Variants in LRMDA observed in about 807,000 individuals in gnomAD.
The protein encoded by LRMDA is leucine rich melanocyte differentiation associated.
In LRMDA, 18 loss-of-function variants were observed where a neutral mutation model predicts 29.8. The ratio of observed to expected loss-of-function variants is 0.60; its 90% CI spans 0.42 to 0.90. LRMDA has a LOEUF of 0.90. LRMDA is among the 40% of genes least tolerant of loss of function. The pLI is 0.00. For missense variants in LRMDA, 273 were observed against 273.9 expected (o/e 1.00, Z 0.02); for synonymous variants, 125 against 109.4 (o/e 1.14, Z -0.89).
chr10:76,288,041 A>C (rs1840293768), intron 5 of LRMDA, among the ~76,000 whole-genome samples: 1 of 152,218 alleles, frequency 6.6e-6, no homozygotes, highest in Non-Finnish European at 1.5e-5. Context: ...TAGGTTAACA[A>C]TATAATGGCC....
chr10:75,673,066 G>A (rs946859364), intron 2 of LRMDA, among the ~76,000 whole-genome samples: 8 of 151,334 alleles, frequency 5.3e-5, no homozygotes, highest in East Asian at 1.9e-4. Context: ...TTCATCCTCC[G>A]CTTCCTGCTG....
intron 6 of LRMDA, among the ~76,000 whole-genome samples, chr10:76,337,373 G>A (rs1211437333): frequency 6.6e-6 from 1 of 152,234 alleles, no homozygotes; most frequent in African/African-American, 2.4e-5. Context: ...GGGCATGAGA[G>A]AGTATGTGTT....
At chr10:76,099,306 G>A (rs1197973128) in intron 5 of LRMDA, among the ~76,000 whole-genome samples, 1 of 152,222 alleles carries the variant, frequency 6.6e-6, no homozygotes. Context: ...CAGCCTGGAG[G>A]TTAGAAGCAA....
At chr10:75,796,823 C>T (rs1244043314) in intron 2 of LRMDA, among the ~76,000 whole-genome samples, 2 of 152,190 alleles carry the variant, frequency 1.3e-5, no homozygotes, top group Non-Finnish European at 2.9e-5. Flanking sequence ...CCTTGGCCTC[C>T]CAAAGTGCTG....
At chr10:76,264,450 AAAAAAAAC>A in intron 5 of LRMDA, among the ~76,000 whole-genome samples, 1 of 130,234 alleles carries the variant, frequency 7.7e-6, no homozygotes, top group African/African-American at 2.9e-5. Context: ...AAAAAAAAAA[AAAAAAAAC>A]ACGGAAGCAG....
At chr10:76,398,470 A>T (rs1841813109) in intron 6 of LRMDA, among the ~76,000 whole-genome samples, 1 of 152,220 alleles carries the variant, frequency 6.6e-6, no homozygotes, top group Admixed American at 6.5e-5. Flanking sequence ...AAACTTGCCT[A>T]GTCAACGACC....
chr10:75,621,206 A>ACC (rs1473308684), intron 2 of LRMDA, among the ~76,000 whole-genome samples: 1 of 115,992 alleles, frequency 8.6e-6, no homozygotes, highest in Admixed American at 9.5e-5. Context: ...CATTACACAC[A>ACC]CACACACACA....
intron 2 of LRMDA, among the ~76,000 whole-genome samples, chr10:75,570,317 C>T (rs938238519): frequency 6.6e-6 from 1 of 152,142 alleles, no homozygotes; most frequent in Non-Finnish European, 1.5e-5. Flanking sequence ...TACTTAAATA[C>T]CTTTATTGAT....
rs575555449 is a variant in LRMDA, at chr10:75,770,705, G to A, written c.132-265303G>A. 2.0e-5 allele frequency among the ~76,000 whole-genome samples: 3 copies of A among 152,320 alleles called. No individual in the cohort carries two copies. The South Asian group carries it at 6.2e-4, about 32-fold the overall frequency. On this transcript the variant is annotated intron_variant, in intron 2 of 6. Coordinates refer to ENST00000611255, the MANE Select transcript of LRMDA (RefSeq NM_001305581.2). ...TGGGGCAAGAGAATGATGGATGGAA[G>A]AGAGATGGGTGGGTGAAGTGAGGCT... is the stretch of plus-strand genomic sequence containing the variant.
At position 75,492,706 on chromosome 10, in the gene LRMDA, C is replaced by T. The variant is rs7081679; in HGVS notation, c.131+54212C>T. Among the ~76,000 whole-genome samples, 331 of 152,264 alleles carry T rather than the reference C, an allele frequency of 2.2e-3. 4 individuals are homozygous for T. Among genetic ancestry groups the T allele is most frequent in the African/African-American group, 7.8e-3 (323 of 41,544 alleles). ...CTCCCCCTAATGCTTTTATTATTTT[C>T]TCTTCTGTTCCCTGCCCATGGTGTG... On this transcript the variant is annotated intron_variant, in intron 2 of 6. Coordinates refer to ENST00000611255, the MANE Select transcript of LRMDA (RefSeq NM_001305581.2).
At chr10:76,299,156 C>CGTGTGTGT (rs111635114) in intron 5 of LRMDA, among the ~76,000 whole-genome samples, 2,030 of 147,302 alleles carry the variant, frequency 0.014, 37 homozygotes, top group African/African-American at 0.04. Flanking sequence ...AGAGAAGAGC[C>CGTGTGTGT]GTGTGTGTGT....
intron 5 of LRMDA, among the ~76,000 whole-genome samples, chr10:76,292,114 A>G (rs982639918): frequency 1.1e-4 from 16 of 152,230 alleles, no homozygotes; most frequent in African/African-American, 3.4e-4. Flanking sequence ...TATCTGGTGC[A>G]GGCCAAGAGA....
At chr10:75,896,870 T>TGC (rs1554832802) in intron 2 of LRMDA, among the ~76,000 whole-genome samples, 1 of 151,874 alleles carries the variant, frequency 6.6e-6, no homozygotes, top group Non-Finnish European at 1.5e-5. Flanking sequence ...TGTGTGTGTG[T>TGC]GTAAGAGAAT....
chr10:76,407,147 A>G (rs1841911144), intron 6 of LRMDA, among the ~76,000 whole-genome samples: 2 of 152,194 alleles, frequency 1.3e-5, no homozygotes, highest in Admixed American at 6.5e-5. Flanking sequence ...GGGTGCACAG[A>G]ACAGGGAGTG....
intron 5 of LRMDA, among the ~76,000 whole-genome samples, chr10:76,290,376 C>A (rs775412677): frequency 7.2e-6 from 1 of 139,012 alleles, no homozygotes; most frequent in African/African-American, 2.6e-5. Flanking sequence ...TTATGACAAT[C>A]TTATAAGTAA....
intron 5 of LRMDA, among the ~76,000 whole-genome samples, chr10:76,180,036 T>C (rs1851013889): frequency 6.6e-6 from 1 of 152,194 alleles, no homozygotes; most frequent in African/African-American, 2.4e-5. Flanking sequence ...CTTTCGCTGT[T>C]GTGGAGCCCA....
chr10:75,436,618 C>T (rs1485328483), intron 1 of LRMDA, among the ~76,000 whole-genome samples: 2 of 152,094 alleles, frequency 1.3e-5, no homozygotes, highest in Non-Finnish European at 2.9e-5. Context: ...CAGGCACTCC[C>T]CACCATGCCC....
chr10:76,205,387 G>C (rs61862717), intron 5 of LRMDA, among the ~76,000 whole-genome samples: 2,177 of 152,234 alleles, frequency 0.014, 25 homozygotes, highest in Non-Finnish European at 0.024. Flanking sequence ...TTGATCCCAA[G>C]TTCAGTAATG....
At chr10:76,103,595 G>T (rs532141087) in intron 5 of LRMDA, among the ~76,000 whole-genome samples, 9 of 152,306 alleles carry the variant, frequency 5.9e-5, no homozygotes, top group Non-Finnish European at 1.3e-4. Flanking sequence ...CCTTTTAGTT[G>T]TGGTAGGTAA....
Sources: allele counts gnomAD v4.1 joint callset (sites outside exome capture counted in the v4.1 genomes callset), GRCh38; gene constraint gnomAD v4.1.1; transcripts MANE v1.5; gene names NCBI Gene and HGNC (gene_info 2026-07-23, HGNC 2026-07-21).